The following TP53BP2 variants were observed in gnomAD, a reference collection of about 807,000 sequenced individuals.
TP53BP2 encodes the protein apoptosis-stimulating of p53 protein 2.
In TP53BP2, 62 loss-of-function variants were observed where a neutral mutation model predicts 126.2. The ratio of observed to expected loss-of-function variants is 0.49; its 90% CI spans 0.40 to 0.61. The LOEUF is 0.61. TP53BP2 is among the 20% of genes least tolerant of loss of function. The probability of loss-of-function intolerance (pLI) is 0.00; values close to 1 mark genes in which losing one functional copy is unlikely to be tolerated. For synonymous variants in TP53BP2, 485 were observed against 502.9 expected (o/e 0.96, Z 0.48); for missense variants, 1,215 against 1,402.8 (o/e 0.87, Z 2.14).
chr1:223,839,184 T>C (rs1028597735), intron 1 of TP53BP2, among the ~76,000 whole-genome samples: 2 of 152,186 alleles, frequency 1.3e-5, no homozygotes, highest in Non-Finnish European at 2.9e-5. Flanking sequence ...GAACAGAGTA[T>C]GTGTTTGCAG....
At chr1:223,786,581 C>CGTGTGTGTGTGTGTGT (rs61533251) in intron 16 of TP53BP2, among the ~76,000 whole-genome samples, 3 of 144,500 alleles carry the variant, frequency 2.1e-5, no homozygotes, top group African/African-American at 5.1e-5. Flanking sequence ...TGCGTGTGTG[C>CGTGTGTGTGTGTGTGT]GTGTGTGTGT....
intron 12 of TP53BP2, among the ~76,000 whole-genome samples, chr1:223,797,056 T>C (rs1662349872): frequency 6.6e-6 from 1 of 152,218 alleles, no homozygotes; most frequent in Non-Finnish European, 1.5e-5. Flanking sequence ...ACCAAAGATA[T>C]TCCCTGTTAA....
intron 1 of TP53BP2, among the ~76,000 whole-genome samples, chr1:223,826,339 T>C (rs1452545282): frequency 6.6e-6 from 1 of 152,122 alleles, no homozygotes; most frequent in Non-Finnish European, 1.5e-5. Flanking sequence ...CCAAAATCAA[T>C]AGATCTGGGT....
rs745862727 is a variant in TP53BP2, at chr1:223,798,684, C to T, written c.1486-7G>A. 7 of 1,583,842 alleles carry T rather than the reference C, an allele frequency of 4.4e-6. No individual in the cohort carries two copies. In the South Asian group the frequency reaches 4.6e-5, roughly 11 times the overall value. On this transcript the variant is annotated splice_polypyrimidine_tract_variant and splice_region_variant and intron_variant, in intron 11 of 17. Coordinates refer to ENST00000343537, the MANE Select transcript of TP53BP2 (RefSeq NM_001031685.3). ...CCACATTTTTATTTGCAACCTATAACACACACATAAAAAGCCAGTTAAAAT... is the reference window on the plus strand; with the variant it reads ...CCACATTTTTATTTGCAACCTATAATACACACATAAAAAGCCAGTTAAAAT...
rs1663284236 is a variant in TP53BP2, at chr1:223,821,012, T to C, written c.175+208A>G. The C allele has an allele frequency of 6.5e-6, 4 of 618,238 alleles. No homozygotes were observed. In the African/African-American group the frequency reaches 7.4e-5, roughly 11 times the overall value. 38.3% of individuals were successfully genotyped at this position (618,238 alleles called of 1,614,324 possible). A position where few individuals can be genotyped will look rare whatever the true frequency, so the allele number is the denominator to read the frequency against. On this transcript the variant is annotated intron_variant, in intron 2 of 17. Coordinates refer to ENST00000343537, the MANE Select transcript of TP53BP2 (RefSeq NM_001031685.3). ...AGATGACCTTTTGTATTTTATATTG[T>C]GGTGTCTCCATTTTATTGGAGAAAA...
At position 223,781,908 on chromosome 1, in the gene TP53BP2, A is replaced by G. The variant is rs528626174; in HGVS notation, c.3364-1014T>C. Among the ~76,000 whole-genome samples the G allele has an allele frequency of 2.0e-5, 3 of 152,374 alleles. No homozygotes were observed. In the South Asian group the frequency reaches 6.2e-4, roughly 32 times the overall value. ...AAGAAAATCTAAATTTAGGACTAAA[A>G]TGAAAATATTCAGTCCAGTCTGTTA... On this transcript the variant is annotated intron_variant, in intron 17 of 17. Coordinates refer to ENST00000343537, the MANE Select transcript of TP53BP2 (RefSeq NM_001031685.3).
chr1:223,810,358 A>C, intron 4 of TP53BP2, 73 bp downstream of exon 4: 1 of 1,116,432 alleles, frequency 9.0e-7, no homozygotes, highest in East Asian at 2.6e-5. Flanking sequence ...ACAAAGTAAT[A>C]ATGAATAAGA....
At chr1:223,812,857 C>T (rs139179388) in intron 3 of TP53BP2, among the ~76,000 whole-genome samples, 8 of 152,188 alleles carry the variant, frequency 5.3e-5, no homozygotes, top group Non-Finnish European at 1.0e-4. Context: ...CCACCATACC[C>T]GGCCTAATTT....
In TP53BP2 at chr1:223,802,922, T is replaced by C. The variant is rs751487242; in HGVS notation, c.832-27A>G. 5.6e-6 allele frequency: 9 copies of C among 1,612,948 alleles called. No individual in the cohort carries two copies. In the South Asian group the frequency reaches 7.7e-5, roughly 14 times the overall value. On this transcript the variant is annotated intron_variant, in intron 7 of 17. Transcript: ENST00000343537. ...TGAATAAAAGAGAGGGGAAAAAAGG[T>C]AGCCAAGGAGTAGGAAGAAAATGTC...
At position 223,802,279 on chromosome 1, in the gene TP53BP2, A is replaced by T. The variant is rs1571850847; in HGVS notation, c.1062T>A (p.Gly354=). Residue 354 remains glycine (G), a synonymous_variant, in exon 9 of 18, where the codon GGT becomes GGA. Transcript: ENST00000343537. ...GCATAGTAGACGACTGGATATAGGG[A>T]CCTACTGCAGCCACACGGCTTGGGG... ...ASAPSRVAAV[G]PYIQSSTMPR... is the part of the protein sequence containing the mutation. The T allele has an allele frequency of 1.2e-6, 2 of 1,614,208 alleles. No individual in the cohort carries two copies. The highest frequency in any genetic ancestry group is 8.5e-7 in the Non-Finnish European group (1 of 1,180,034).
At chr1:223,788,063 C>T (rs1222963485) in intron 16 of TP53BP2, among the ~76,000 whole-genome samples, 11 of 146,322 alleles carry the variant, frequency 7.5e-5, no homozygotes, top group South Asian at 2.1e-4. Flanking sequence ...AGTGAGACCT[C>T]GCCTCTAAAA....
chr1:223,818,651 T>G (rs1386743973), intron 2 of TP53BP2, among the ~76,000 whole-genome samples: 2 of 151,348 alleles, frequency 1.3e-5, no homozygotes, highest in African/African-American at 4.8e-5. Flanking sequence ...CTCAGCTCAT[T>G]GCAACCTCTG....
At chr1:223,801,999 A>T (rs777561531) in intron 9 of TP53BP2, 117 bp downstream of exon 9, 37 of 1,049,542 alleles carry the variant, frequency 3.5e-5, no homozygotes, top group Non-Finnish European at 5.1e-5. Flanking sequence ...AAGAATATAA[A>T]AGGATTTTTA....
At chr1:223,797,123 C>T (rs1479331913) in intron 12 of TP53BP2, among the ~76,000 whole-genome samples, 1 of 128,038 alleles carries the variant, frequency 7.8e-6, no homozygotes, top group Non-Finnish European at 1.5e-5. Context: ...TCACTAAAGA[C>T]CCATGAAAAG....
intron 1 of TP53BP2, among the ~76,000 whole-genome samples, chr1:223,827,633 G>A (rs1663545549): frequency 6.6e-6 from 1 of 152,212 alleles, no homozygotes; most frequent in Non-Finnish European, 1.5e-5. Context: ...CTCAAGGTGA[G>A]AGTTTTTACA....
Position 223,821,309 on chromosome 1 carries a change from G to T in TP53BP2, c.86C>A (p.Thr29Asn). Residue 29 changes from threonine to asparagine, a missense_variant, in exon 2 of 18, where the codon ACT (threonine) becomes AAT (asparagine). Physicochemically the swap from Thr to Asn is moderately conservative, Grantham distance 65. This residue lies in a region of TP53BP2 where 814 missense variants were observed against 853.0 expected (regional missense o/e 0.95). Transcript: ENST00000343537. ...NEQHFTEVPVTPETICRDVVD... is the reference protein window; with the variant it reads ...NEQHFTEVPVNPETICRDVVD... ...CACGTCTCTGCATATTGTTTCTGGAGTAACTGGAACTTCTGTGAAGTGCTG... is the reference window on the plus strand; with the variant it reads ...CACGTCTCTGCATATTGTTTCTGGATTAACTGGAACTTCTGTGAAGTGCTG... The T allele has an allele frequency of 8.1e-6, 13 of 1,614,066 alleles. No individual in the cohort carries two copies. Among genetic ancestry groups the T allele is most frequent in the Non-Finnish European group, 1.1e-5 (13 of 1,179,894 alleles).
chr1:223,783,996 A>G, intron 17 of TP53BP2, 119 bp downstream of exon 17: 1 of 858,224 alleles, frequency 1.2e-6, no homozygotes, highest in South Asian at 1.5e-5. Context: ...CAAAATGTTT[A>G]AATTCCATGT....
At chr1:223,818,500 C>T (rs1234078236) in intron 2 of TP53BP2, among the ~76,000 whole-genome samples, 1 of 108,414 alleles carries the variant, frequency 9.2e-6, no homozygotes, top group African/African-American at 5.5e-5. Flanking sequence ...AAGACTCCAT[C>T]TCAAAAAAAA....
intron 5 of TP53BP2, among the ~76,000 whole-genome samples, chr1:223,805,855 T>G (rs943543220): frequency 2.0e-5 from 3 of 152,224 alleles, no homozygotes; most frequent in African/African-American, 7.2e-5. Context: ...CTATTATCCA[T>G]GACTGCTTAT....
Sources: gnomAD v4.1 joint callset for allele counts (sites outside exome capture counted in the v4.1 genomes callset) on GRCh38, gnomAD v4.1.1 for gene constraint, gnomAD v4.1.1 regional missense constraint, MANE v1.5 for transcripts, NCBI Gene and HGNC (gene_info 2026-07-23, HGNC 2026-07-21) for gene names.